RALYL: variants seen among roughly 807,000 people sequenced by gnomAD.
RALYL encodes RALY RNA binding protein like, also known as RNA-binding Raly-like protein.
A neutral mutation model predicts 35.1 loss-of-function variants in RALYL; 29 were observed. That is an observed-to-expected ratio of 0.83 (90% CI 0.61 to 1.13). RALYL has a LOEUF of 1.13. Among genes scored for constraint, RALYL ranks in the 50% most tolerant of loss-of-function variants. The pLI, the probability that RALYL is intolerant of heterozygous loss-of-function variation, is 0.00. For missense variants in RALYL, 359 were observed against 360.4 expected (o/e 1.00, Z 0.03); for synonymous variants, 120 against 127.6 (o/e 0.94, Z 0.40).
Position 84,775,069 on chromosome 8 carries a change from C to T in RALYL, c.332+415C>T, listed in dbSNP as rs147779102. 5.2e-3 allele frequency among the ~76,000 whole-genome samples: 786 copies of T among 152,272 alleles called. 2 individuals are homozygous for T. The highest frequency in any genetic ancestry group is 8.6e-3 in the Admixed American group (131 of 15,292). ...GGTTCAAGCGATTCTCCTGCCTCAGCCTCCCGAGAAGCTGGGATTGCAGGT... is the reference window on the plus strand; with the variant it reads ...GGTTCAAGCGATTCTCCTGCCTCAGTCTCCCGAGAAGCTGGGATTGCAGGT... On this transcript the variant is annotated intron_variant, in intron 3 of 8. Coordinates refer to ENST00000521268, the MANE Select transcript of RALYL (RefSeq NM_173848.7).
chr8:84,472,603 G>T (rs1224773866), intron 1 of RALYL, among the ~76,000 whole-genome samples: 1 of 152,038 alleles, frequency 6.6e-6, no homozygotes, highest in Non-Finnish European at 1.5e-5. Flanking sequence ...ATTTAGACCA[G>T]ATCATAGGGA....
chr8:84,628,093 AC>A (rs1251041855), intron 2 of RALYL, among the ~76,000 whole-genome samples: 4 of 152,112 alleles, frequency 2.6e-5, no homozygotes, highest in African/African-American at 9.7e-5. Context: ...TCAATGACTT[AC>A]TGTTAGATGC....
intron 8 of RALYL, among the ~76,000 whole-genome samples, chr8:84,920,633 G>T (rs924649208): frequency 6.6e-6 from 1 of 151,950 alleles, no homozygotes; most frequent in Non-Finnish European, 1.5e-5. Flanking sequence ...AGCTCAGGTT[G>T]AAAAGTAATT....
At chr8:84,837,332 AG>A (rs1188447947) in intron 4 of RALYL, among the ~76,000 whole-genome samples, 2 of 152,230 alleles carry the variant, frequency 1.3e-5, no homozygotes, top group African/African-American at 4.8e-5. Context: ...TAATATAGAA[AG>A]CCAGTTATCG....
chr8:84,496,759 T>C (rs1281546707), intron 1 of RALYL, among the ~76,000 whole-genome samples: 2 of 152,144 alleles, frequency 1.3e-5, no homozygotes, highest in African/African-American at 2.4e-5. Context: ...CCTCACACTT[T>C]CCAAAAACAC....
intron 1 of RALYL, among the ~76,000 whole-genome samples, chr8:84,383,978 T>A (rs1858592544): frequency 6.6e-6 from 1 of 151,780 alleles, no homozygotes; most frequent in African/African-American, 2.4e-5. Context: ...AACTATGTTA[T>A]GCAAAATAAT....
chr8:84,549,540 T>C (rs1265078382), intron 2 of RALYL, among the ~76,000 whole-genome samples: 2 of 152,190 alleles, frequency 1.3e-5, no homozygotes, highest in Non-Finnish European at 2.9e-5. Flanking sequence ...GAAAACTCCT[T>C]CAAAATGTTT....
chr8:84,281,622 G>A (rs913991291), intron 1 of RALYL, among the ~76,000 whole-genome samples: 6 of 152,222 alleles, frequency 3.9e-5, no homozygotes, highest in African/African-American at 1.4e-4. Context: ...GCAGAAGCTA[G>A]TCTTCCCCAG....
At chr8:84,794,618 C>T (rs539999548) in intron 3 of RALYL, among the ~76,000 whole-genome samples, 2 of 152,212 alleles carry the variant, frequency 1.3e-5, no homozygotes, top group Admixed American at 6.5e-5. Flanking sequence ...GACTCCCTTC[C>T]AGTGTGAGGA....
At chr8:84,356,040 C>A (rs1436915592) in intron 1 of RALYL, among the ~76,000 whole-genome samples, 1 of 149,836 alleles carries the variant, frequency 6.7e-6, no homozygotes, top group Non-Finnish European at 1.5e-5. Flanking sequence ...GTGGCACTTC[C>A]CCCCTTCACT....
At chr8:84,780,166 C>A (rs187601633) in intron 3 of RALYL, among the ~76,000 whole-genome samples, 2 of 152,032 alleles carry the variant, frequency 1.3e-5, no homozygotes, top group Non-Finnish European at 2.9e-5. Flanking sequence ...CCTACCCAGC[C>A]AGATGGTTCC....
In RALYL at chr8:84,744,908, C is replaced by CT. The variant is rs553118100; in HGVS notation, c.257-29671_257-29670insT. Among the ~76,000 whole-genome samples, 144 of 152,026 alleles carry CT rather than the reference C, an allele frequency of 9.5e-4. 2 individuals carry two copies. The highest frequency in any genetic ancestry group is 3.2e-4 in the Non-Finnish European group (22 of 67,938). On this transcript the variant is annotated intron_variant, in intron 2 of 8. Transcript: ENST00000521268. ...TTGTTTGAAACCATGAATTCTGTTG[C>CT]AAAGTAATTGATATACTATTGAATA...
intron 2 of RALYL, among the ~76,000 whole-genome samples, chr8:84,750,000 C>G (rs1332514887): frequency 1.3e-5 from 2 of 152,138 alleles, no homozygotes; most frequent in African/African-American, 4.8e-5. Context: ...GGGCATTCTG[C>G]TCTGGGAGAA....
At chr8:84,579,114 G>A (rs2135940892) in intron 2 of RALYL, among the ~76,000 whole-genome samples, 1 of 152,312 alleles carries the variant, frequency 6.6e-6, no homozygotes, top group East Asian at 1.9e-4. Context: ...CCCATGCCAA[G>A]CAGCCCTCAG....
chr8:84,351,203 T>A (rs1449994994), intron 1 of RALYL, among the ~76,000 whole-genome samples: 1 of 150,110 alleles, frequency 6.7e-6, no homozygotes, highest in Admixed American at 6.6e-5. Context: ...TCATCTTGAA[T>A]CTGATTAAGT....
chr8:84,776,291 G>T (rs557615197), intron 3 of RALYL, among the ~76,000 whole-genome samples: 1 of 152,076 alleles, frequency 6.6e-6, no homozygotes, highest in Non-Finnish European at 1.5e-5. Context: ...GTCATGCCTA[G>T]TACCCCAGGG....
chr8:84,725,104 C>A (rs1429963910), intron 2 of RALYL, among the ~76,000 whole-genome samples: 1 of 151,400 alleles, frequency 6.6e-6, no homozygotes, highest in Non-Finnish European at 1.5e-5. Context: ...TTTTCTACTG[C>A]CTAAGATCTG....
chr8:84,740,322 G>T (rs1484353069), intron 2 of RALYL, among the ~76,000 whole-genome samples: 1 of 151,916 alleles, frequency 6.6e-6, no homozygotes, highest in Non-Finnish European at 1.5e-5. Context: ...GAGGAAAAAA[G>T]ATTAAGTATT....
chr8:84,609,791 C>G (rs1406002673), intron 2 of RALYL, among the ~76,000 whole-genome samples: 1 of 152,050 alleles, frequency 6.6e-6, no homozygotes, highest in Non-Finnish European at 1.5e-5. Context: ...AAAAACATAC[C>G]TGAGAGTTGG....
Sources: allele counts gnomAD v4.1 joint callset (sites outside exome capture counted in the v4.1 genomes callset), GRCh38; gene constraint gnomAD v4.1.1; transcripts MANE v1.5; gene names NCBI Gene and HGNC (gene_info 2026-07-23, HGNC 2026-07-21).